Variants in FSHR observed in about 807,000 individuals in gnomAD.
FSHR encodes follicle stimulating hormone receptor.
Under a neutral mutation model 52.1 loss-of-function variants are expected in FSHR, and 46 were observed. The observed-to-expected ratio is 0.88, with a 90% confidence interval of 0.70 to 1.13. FSHR has a LOEUF of 1.13. Among genes scored for constraint, FSHR ranks in the 50% most tolerant of loss-of-function variants. The pLI is 0.00. For missense variants in FSHR, 964 were observed against 834.6 expected (o/e 1.16, Z -1.91); for synonymous variants, 399 against 309.6 (o/e 1.29, Z -3.03).
Position 49,093,604 on chromosome 2 carries a change from T to G in FSHR, c.153-25314A>C, listed in dbSNP as rs543171958. Among the ~76,000 whole-genome samples the G allele has an allele frequency of 1.2e-3, 177 of 149,978 alleles. 1 individual carries two copies. Among genetic ancestry groups the G allele is most frequent in the Non-Finnish European group, 2.1e-3 (139 of 67,250 alleles). On this transcript the variant is annotated intron_variant, in intron 1 of 9. Coordinates refer to ENST00000406846, the MANE Select transcript of FSHR (RefSeq NM_000145.4). ...AAAACATTATATTTATCTTTTTTTT[T>G]TTTTTTTTGAGACGGAGTCTTGCTC...
At chr2:49,064,004 T>C (rs1202532738) in intron 2 of FSHR, among the ~76,000 whole-genome samples, 1 of 150,372 alleles carries the variant, frequency 6.7e-6, no homozygotes, top group Non-Finnish European at 1.5e-5. Context: ...AATTAAAAAA[T>C]AATAAAAAAG....
At chr2:48,965,942 A>G (rs1422558408) in intron 9 of FSHR, among the ~76,000 whole-genome samples, 3 of 152,202 alleles carry the variant, frequency 2.0e-5, no homozygotes, top group African/African-American at 7.2e-5. Flanking sequence ...GTCAGTTGAA[A>G]AAGTGGCACT....
At chr2:49,068,599 T>C (rs931342519) in intron 1 of FSHR, among the ~76,000 whole-genome samples, 3 of 152,152 alleles carry the variant, frequency 2.0e-5, no homozygotes, top group Non-Finnish European at 4.4e-5. Flanking sequence ...TGTTGCCTTC[T>C]GCAGCCCTGT....
At chr2:48,990,851 A>C (rs13019186) in intron 4 of FSHR, among the ~76,000 whole-genome samples, 5 of 151,854 alleles carry the variant, frequency 3.3e-5, no homozygotes, top group African/African-American at 2.4e-5. Flanking sequence ...AAAGAAACTT[A>C]CACTTCAGTC....
In FSHR at chr2:49,154,459, AG is replaced by A; in HGVS notation, c.-43del. The A allele has an allele frequency of 6.2e-7, 1 of 1,606,284 alleles. No homozygotes were observed. Among genetic ancestry groups the A allele is most frequent in the Non-Finnish European group, 8.5e-7 (1 of 1,175,070 alleles). ...ACCTGATTTCTTCCTGCATTTGCAGAGAAAAACCTCCACAGATCTCAGAAGC... is the reference window on the plus strand; with the variant it reads ...ACCTGATTTCTTCCTGCATTTGCAGAAAAAACCTCCACAGATCTCAGAAGC... On this transcript the variant is annotated 5_prime_UTR_variant, in exon 1 of 10. Transcript: ENST00000406846.
chr2:49,101,812 C>T (rs148787077), intron 1 of FSHR, among the ~76,000 whole-genome samples: 2 of 152,214 alleles, frequency 1.3e-5, no homozygotes, highest in East Asian at 3.9e-4. Flanking sequence ...AGTCCAAGGT[C>T]AAGGGGCCAC....
chr2:49,007,522 A>G (rs140925472), intron 4 of FSHR, among the ~76,000 whole-genome samples: 2 of 152,188 alleles, frequency 1.3e-5, no homozygotes, highest in African/African-American at 2.4e-5. Flanking sequence ...GGCAGGGTTG[A>G]GAACTTTTAG....
chr2:49,000,623 A>C (rs6759025), intron 4 of FSHR, among the ~76,000 whole-genome samples: 7,228 of 152,210 alleles, frequency 0.047, 578 homozygotes, highest in African/African-American at 0.16. Flanking sequence ...AGTAGTGTGG[A>C]GAGTTAAATT....
intron 1 of FSHR, among the ~76,000 whole-genome samples, chr2:49,129,660 A>G (rs926098287): frequency 1.3e-5 from 2 of 152,176 alleles, no homozygotes; most frequent in Non-Finnish European, 2.9e-5. Context: ...AAATCTCAAG[A>G]TACTAACTGA....
At chr2:49,120,702 ATAT>A (rs67372600) in intron 1 of FSHR, among the ~76,000 whole-genome samples, 37,359 of 151,922 alleles carry the variant, frequency 0.25, 4,897 homozygotes, top group East Asian at 0.46. Context: ...TACTTTGGAC[ATAT>A]TATACAACCT....
At position 48,982,647 on chromosome 2, in the gene FSHR, C is replaced by T. The variant is rs141044253; in HGVS notation, c.668+265G>A. On this transcript the variant is annotated intron_variant, in intron 8 of 9. Coordinates refer to ENST00000406846, the MANE Select transcript of FSHR (RefSeq NM_000145.4). ...ACAGGGGGTGATTATAAGGATTAAA[C>T]AAGAAAATGCATCTTAACTTCTGAG... 2.4e-4 allele frequency among the ~76,000 whole-genome samples: 36 copies of T among 152,296 alleles called. No individual in the cohort carries two copies. In the East Asian group the frequency reaches 6.0e-3, roughly 25 times the overall value.
intron 1 of FSHR, among the ~76,000 whole-genome samples, chr2:49,132,657 C>A (rs1303510381): frequency 6.6e-6 from 1 of 152,086 alleles, no homozygotes; most frequent in East Asian, 1.9e-4. Flanking sequence ...TTTATTTCCT[C>A]CTGGCTTGCC....
In FSHR at chr2:48,963,901, G is replaced by A. The variant is rs1428585266; in HGVS notation, c.920C>T (p.Ala307Val). 5.6e-6 allele frequency: 9 copies of A among 1,613,958 alleles called. No homozygotes were observed. The highest frequency in any genetic ancestry group is 7.6e-6 in the Non-Finnish European group (9 of 1,179,882). Residue 307 changes from alanine (A) to valine (V), a missense_variant, in exon 10 of 10, where the codon GCT (alanine) becomes GTT (valine). Transcript: ENST00000406846. ...LRQEVDYMTQARGQRSSLAED... is the reference protein window; with the variant it reads ...LRQEVDYMTQVRGQRSSLAED... Reference sequence around the variant, plus strand: ...TGCCAGAGAGGATCTCTGACCCCTAGCCTGAGTCATATAATCAACTTCTTG... The same window carrying A: ...TGCCAGAGAGGATCTCTGACCCCTAACCTGAGTCATATAATCAACTTCTTG...
intron 4 of FSHR, among the ~76,000 whole-genome samples, chr2:49,002,736 T>TCC (rs201146996): frequency 5.3e-4 from 81 of 152,080 alleles, no homozygotes; most frequent in African/African-American, 1.9e-3. Context: ...AGGATGATAT[T>TCC]TGGGTGGGGA....
chr2:49,097,821 AAGTT>A (rs1670881930), intron 1 of FSHR, among the ~76,000 whole-genome samples: 1 of 152,182 alleles, frequency 6.6e-6, no homozygotes, highest in African/African-American at 2.4e-5. Flanking sequence ...GGATTGATCT[AAGTT>A]AGTGTTTTGT....
intron 1 of FSHR, among the ~76,000 whole-genome samples, chr2:49,105,272 GC>G (rs1410810912): frequency 6.6e-6 from 1 of 152,096 alleles, no homozygotes; most frequent in African/African-American, 2.4e-5. Flanking sequence ...GCCTTGGTGT[GC>G]TTGGGGAGTG....
At chr2:48,991,148 A>G (rs1380882876) in intron 4 of FSHR, among the ~76,000 whole-genome samples, 2 of 152,094 alleles carry the variant, frequency 1.3e-5, no homozygotes, top group East Asian at 3.9e-4. Context: ...TTCTGCTGTC[A>G]TTACCCTTAC....
At chr2:49,092,902 C>G (rs1263456363) in intron 1 of FSHR, among the ~76,000 whole-genome samples, 1 of 152,094 alleles carries the variant, frequency 6.6e-6, no homozygotes, top group South Asian at 2.1e-4. Context: ...CTGACCTTAA[C>G]TAATCCACCT....
chr2:49,154,480 A>C lies in FSHR; in HGVS notation c.-63T>G. The C allele has an allele frequency of 1.8e-4, 278 of 1,553,264 alleles. No homozygotes were observed. The highest frequency in any genetic ancestry group is 2.1e-4 in the Non-Finnish European group (239 of 1,128,494). On this transcript the variant is annotated 5_prime_UTR_variant, in exon 1 of 10. Transcript: ENST00000406846. ...GCAGAGAAAAACCTCCACAGATCTC[A>C]GAAGCTCCACACAGTGCCCTTATGA...
Sources: gnomAD v4.1 joint callset for allele counts (sites outside exome capture counted in the v4.1 genomes callset) on GRCh38, gnomAD v4.1.1 for gene constraint, MANE v1.5 for transcripts, NCBI Gene and HGNC (gene_info 2026-07-23, HGNC 2026-07-21) for gene names.